SMARCA1: variants seen among roughly 807,000 people sequenced by gnomAD.
SMARCA1 encodes SWI/SNF-related matrix-associated actin-dependent regulator of chromatin subfamily A member 1.
A neutral mutation model predicts 93.6 loss-of-function variants in SMARCA1; 17 were observed. That is an observed-to-expected ratio of 0.18 (90% CI 0.12 to 0.27). The LOEUF (loss-of-function observed/expected upper bound fraction) is 0.27, where lower values mean the gene tolerates loss of function less well. Ranked by LOEUF, SMARCA1 falls within the 10% of genes least tolerant of loss-of-function variation. The pLI is 1.00. For synonymous variants in SMARCA1, 271 were observed against 271.4 expected, an observed-to-expected ratio of 1.00 and a Z score of 0.01; for missense variants, 630 against 819.0, an observed-to-expected ratio of 0.77 and a Z score of 2.82.
At chrX:129,449,435 C>T (rs1932172144) in intron 23 of SMARCA1, among the ~76,000 whole-genome samples, 2 of 111,779 alleles carry the variant, frequency 1.8e-5, no homozygotes, top group South Asian at 7.5e-4. Context: ...GACCACATCA[C>T]AGGAAACACT....
At chrX:129,485,949 T>C (rs1465123321) in intron 17 of SMARCA1, among the ~76,000 whole-genome samples, 1 of 111,059 alleles carries the variant, frequency 9.0e-6, no homozygotes, top group East Asian at 2.8e-4. Context: ...ATGAGCCAAA[T>C]AAACCTCTTT....
chrX:129,494,406 T>G (rs1378574253), intron 12 of SMARCA1, among the ~76,000 whole-genome samples: 2 of 111,753 alleles, frequency 1.8e-5, no homozygotes, highest in African/African-American at 6.5e-5. Context: ...GTGTAAGCCT[T>G]GAAATATCCT....
At chrX:129,448,749 TA>T (rs886561165) in intron 23 of SMARCA1, among the ~76,000 whole-genome samples, 173 of 101,375 alleles carry the variant, frequency 1.7e-3, no homozygotes, top group South Asian at 5.6e-3. Context: ...TTATGCTAAG[TA>T]AAAAAAAAAA....
intron 18 of SMARCA1, 56 bp from the exon 19 acceptor site, chrX:129,480,870 T>TA: frequency 1.3e-6 from 1 of 754,092 alleles, no homozygotes; most frequent in Non-Finnish European, 1.9e-6. Flanking sequence ...GAAGTAAACT[T>TA]ACTTATCTTT....
intron 17 of SMARCA1, among the ~76,000 whole-genome samples, chrX:129,482,177 G>A: frequency 1.4e-5 from 1 of 72,453 alleles, no homozygotes; most frequent in African/African-American, 5.5e-5. Context: ...TCTGGGGACT[G>A]TTGTGGGGTG....
At chrX:129,505,194 T>G (rs745323479) in intron 8 of SMARCA1, among the ~76,000 whole-genome samples, 50 of 111,958 alleles carry the variant, frequency 4.5e-4, no homozygotes, top group Non-Finnish European at 7.1e-4. Flanking sequence ...TGGCCAAACT[T>G]GCTACTTTTT....
At position 129,516,117 on chromosome X, in the gene SMARCA1, A is replaced by G. The variant is rs138794810; in HGVS notation, c.429-123T>C. 6.4e-4 allele frequency: 394 copies of G among 620,050 alleles called. 1 individual carries two copies. In the African/African-American group the frequency reaches 8.0e-3, roughly 13 times the overall value. The allele number at this position is 620,050 out of a possible 1,213,427, so 51.1% of individuals were successfully genotyped here. ...GAGTTGTCCAAGGTCTTGCTTAGAA[A>G]TCAGTAGAACCAGCCTACATTTTTA... On this transcript the variant is annotated intron_variant, in intron 3 of 24. Coordinates refer to ENST00000371121, the MANE Select transcript of SMARCA1 (RefSeq NM_001282874.2).
chrX:129,510,183 C>T (rs1934973912), intron 6 of SMARCA1, among the ~76,000 whole-genome samples: 1 of 112,216 alleles, frequency 8.9e-6, no homozygotes, highest in East Asian at 2.8e-4. Flanking sequence ...CCAGTATATA[C>T]ATATATGTTT....
At position 129,496,819 on chromosome X, in the gene SMARCA1, T is replaced by G. The variant is rs1934345807; in HGVS notation, c.1557A>C (p.Glu519Asp). The G allele has an allele frequency of 8.3e-7, 1 of 1,204,012 alleles. No homozygotes were observed. The highest frequency in any genetic ancestry group is 3.0e-5 in the East Asian group (1 of 33,808). Residue 519 changes from glutamate to aspartate, a missense_variant, in exon 12 of 25, where the codon GAA (glutamate) becomes GAC (aspartate). Physicochemically the swap from Glu to Asp is conservative, Grantham distance 45 (BLOSUM62 2). Around this residue, in one of 4 missense-constraint regions of SMARCA1, gnomAD observed 382 missense variants for 537.9 expected, o/e 0.71. Transcript: ENST00000371121. ...CATAACCACGCCACATGCAATAATCTTCCAAAATATCCAGCAAGCGAGTCA... is the reference window on the plus strand; with the variant it reads ...CATAACCACGCCACATGCAATAATCGTCCAAAATATCCAGCAAGCGAGTCA... ...SQMTRLLDILEDYCMWRGYEY... is the reference protein window; with the variant it reads ...SQMTRLLDILDDYCMWRGYEY...
At position 129,497,241 on chromosome X, in the gene SMARCA1, C is replaced by T. The variant is rs775205531; in HGVS notation, c.1505-370G>A. On this transcript the variant is annotated intron_variant, in intron 11 of 24. Coordinates refer to ENST00000371121, the MANE Select transcript of SMARCA1 (RefSeq NM_001282874.2). ...TTCCTAGTCTCTCATCCTCAATAGA[C>T]CCCCATACTGCTTTCAAGGTTCTCT... 2.7e-5 allele frequency among the ~76,000 whole-genome samples: 3 copies of T among 111,018 alleles called. No homozygotes were observed. The East Asian group carries it at 8.5e-4, about 32-fold the overall frequency.
intron 23 of SMARCA1, among the ~76,000 whole-genome samples, chrX:129,451,358 A>T (rs1329389923): frequency 1.8e-5 from 2 of 111,748 alleles, no homozygotes; most frequent in Non-Finnish European, 3.8e-5. Flanking sequence ...TGACTCGTGA[A>T]TCATTAAGCT....
At chrX:129,475,399 A>C (rs1046018596) in intron 19 of SMARCA1, among the ~76,000 whole-genome samples, 1 of 110,319 alleles carries the variant, frequency 9.1e-6, no homozygotes, top group Non-Finnish European at 1.9e-5. Flanking sequence ...GGTACCTGTA[A>C]TCCCAGCTAC....
At chrX:129,470,368 A>G (rs1429043072) in intron 20 of SMARCA1, among the ~76,000 whole-genome samples, 1 of 110,356 alleles carries the variant, frequency 9.1e-6, no homozygotes, top group Non-Finnish European at 1.9e-5. Context: ...TCCTAATTTA[A>G]TAATTGTTAT....
Position 129,523,241 on chromosome X carries a change from T to TGGCCGCGGC in SMARCA1, c.121_129dup (p.Ala41_Ala43dup), listed in dbSNP as rs2124365183. On this transcript the variant is annotated inframe_insertion, in exon 1 of 25. Coordinates refer to ENST00000371121, the MANE Select transcript of SMARCA1 (RefSeq NM_001282874.2). ...TTCTCCGTGGCCGCGGTGGCTTCGG[T>TGGCCGCGGC]GGCCGCGGCGGCCGCTCCCTCCTCC... 1 of 1,209,050 alleles carries TGGCCGCGGC rather than the reference T, an allele frequency of 8.3e-7. No individual in the cohort carries two copies. Among genetic ancestry groups the TGGCCGCGGC allele is most frequent in the African/African-American group, 1.7e-5 (1 of 57,187 alleles).
chrX:129,523,460 A>G lies in SMARCA1; in HGVS notation c.-90T>C. ...GGCTGCACTGGAAAGAGCTAGATGG[A>G]GCAGGGGTGGGGAATCACTCCGCTT... On this transcript the variant is annotated 5_prime_UTR_variant, in exon 1 of 25. Transcript: ENST00000371121. 5.3e-6 allele frequency: 4 copies of G among 755,623 alleles called. No homozygotes were observed. The highest frequency in any genetic ancestry group is 3.7e-6 in the Non-Finnish European group (2 of 535,763). The allele number at this position is 755,623 out of a possible 1,213,427, so 62.3% of individuals were successfully genotyped here.
At chrX:129,458,315 TG>T (rs777735642) in intron 23 of SMARCA1, among the ~76,000 whole-genome samples, 16 of 112,231 alleles carry the variant, frequency 1.4e-4, no homozygotes, top group Admixed American at 3.8e-4. Flanking sequence ...CAAAAACAGG[TG>T]GGGGGCCACA....
chrX:129,502,407 G>A (rs1013169304), intron 9 of SMARCA1, among the ~76,000 whole-genome samples: 2 of 107,829 alleles, frequency 1.9e-5, no homozygotes, highest in East Asian at 3.1e-4. Flanking sequence ...AAAGAGAACA[G>A]TATCCTAGAA....
chrX:129,496,124 C>T (rs1047123032), intron 12 of SMARCA1, among the ~76,000 whole-genome samples: 1 of 98,923 alleles, frequency 1.0e-5, no homozygotes, highest in Non-Finnish European at 2.0e-5. Flanking sequence ...ATCTAAAGAT[C>T]TGTAAGAATT....
intron 21 of SMARCA1, among the ~76,000 whole-genome samples, chrX:129,467,631 G>A (rs1932949884): frequency 9.4e-6 from 1 of 106,772 alleles, no homozygotes; most frequent in African/African-American, 3.4e-5. Flanking sequence ...AAGTCCCCCA[G>A]AAGACTCTTT....
Sources: allele counts gnomAD v4.1 joint callset (sites outside exome capture counted in the v4.1 genomes callset), GRCh38; gene constraint gnomAD v4.1.1; regional missense constraint gnomAD v4.1.1; transcripts MANE v1.5; gene names NCBI Gene and HGNC (gene_info 2026-07-23, HGNC 2026-07-21).